GPC3: variants seen among roughly 807,000 people sequenced by gnomAD.
GPC3 encodes the protein glypican-3.
GPC3 carries 3 observed loss-of-function variants against 34.4 expected under a neutral mutation model. The ratio of observed to expected loss-of-function variants is 0.09; its 90% CI spans 0.04 to 0.23. The LOEUF (loss-of-function observed/expected upper bound fraction) is 0.23, where lower values mean the gene tolerates loss of function less well. Among genes scored for constraint, GPC3 ranks in the 10% least tolerant of loss-of-function variants. The pLI, the probability that GPC3 is intolerant of heterozygous loss-of-function variation, is 1.00. For missense variants in GPC3, 351 were observed against 445.6 expected (o/e 0.79, Z 1.91); for synonymous variants, 177 against 174.0 (o/e 1.02, Z -0.13).
intron 3 of GPC3, among the ~76,000 whole-genome samples, chrX:133,714,975 A>T (rs960820455): frequency 1.8e-5 from 2 of 111,818 alleles, no homozygotes; most frequent in Non-Finnish European, 3.8e-5. Flanking sequence ...CTGAATGTCA[A>T]CTTGATTAGA....
chrX:133,747,796 C>T (rs752099861), intron 3 of GPC3, among the ~76,000 whole-genome samples: 13 of 111,748 alleles, frequency 1.2e-4, no homozygotes, highest in Admixed American at 6.7e-4. Context: ...CTTCCTGCAA[C>T]GAATCGTATT....
chrX:133,666,120 C>T (rs1279552483), intron 5 of GPC3, among the ~76,000 whole-genome samples: 3 of 111,844 alleles, frequency 2.7e-5, no homozygotes, highest in African/African-American at 9.7e-5. Flanking sequence ...TCAAATTAAT[C>T]CCACAGCTGA....
chrX:133,985,043 A>T (rs1426112926), intron 1 of GPC3, among the ~76,000 whole-genome samples: 1 of 111,519 alleles, frequency 9.0e-6, no homozygotes, highest in Non-Finnish European at 1.9e-5. Flanking sequence ...CCTCCCGCTC[A>T]CACCTTCCCT....
rs779208145 is a variant in GPC3 at position 133,739,436 on chromosome X, T to G, written c.1032+14046A>C. ...CACGTGGTAGGCATTGTTGCAAAAT[T>G]TTCATAGTAGTTCTGCGAGGTTGGT... is the stretch of plus-strand genomic sequence containing the variant. On this transcript the variant is annotated intron_variant, in intron 3 of 7. Transcript: ENST00000370818. 3.6e-5 allele frequency among the ~76,000 whole-genome samples: 4 copies of G among 112,059 alleles called. No homozygotes were observed. In the South Asian group the frequency reaches 1.5e-3, roughly 42 times the overall value.
At chrX:133,785,212 G>A (rs779167389) in intron 2 of GPC3, among the ~76,000 whole-genome samples, 2 of 111,147 alleles carry the variant, frequency 1.8e-5, no homozygotes, top group Non-Finnish European at 3.8e-5. Flanking sequence ...TGGGGAAGTG[G>A]GGGGTCTTCT....
intron 6 of GPC3, among the ~76,000 whole-genome samples, chrX:133,659,329 C>T (rs1420741735): frequency 8.9e-6 from 1 of 112,147 alleles, no homozygotes; most frequent in Non-Finnish European, 1.9e-5. Flanking sequence ...TTTTTAGTGA[C>T]TGCCTGATCA....
intron 6 of GPC3, among the ~76,000 whole-genome samples, chrX:133,635,682 G>C (rs2070413747): frequency 9.1e-6 from 1 of 110,428 alleles, no homozygotes; most frequent in Non-Finnish European, 1.9e-5. Flanking sequence ...AGAAAACCTG[G>C]ATTCCCATCT....
chrX:133,695,592 T>C (rs376894735), intron 4 of GPC3, among the ~76,000 whole-genome samples: 2 of 111,532 alleles, frequency 1.8e-5, no homozygotes, highest in Non-Finnish European at 3.8e-5. Flanking sequence ...GCAAATAAAA[T>C]AAACACATAG....
intron 2 of GPC3, among the ~76,000 whole-genome samples, chrX:133,771,992 G>A (rs1376620307): frequency 9.0e-6 from 1 of 111,505 alleles, no homozygotes; most frequent in Non-Finnish European, 1.9e-5. Flanking sequence ...TATAGAACAA[G>A]ACACCAGTAT....
chrX:133,536,549 G>A (rs1015422121), intron 7 of GPC3, among the ~76,000 whole-genome samples: 18 of 109,846 alleles, frequency 1.6e-4, no homozygotes, highest in Non-Finnish European at 2.8e-4. Context: ...AGTGGGGAGC[G>A]AACAGGCTGC....
chrX:133,837,723 T>C (rs1323409590), intron 2 of GPC3, among the ~76,000 whole-genome samples: 1 of 111,937 alleles, frequency 8.9e-6, no homozygotes, highest in Non-Finnish European at 1.9e-5. Flanking sequence ...TGATCAGTTC[T>C]GTACCTTGCT....
chrX:133,761,777 C>T (rs2071794064), intron 2 of GPC3, among the ~76,000 whole-genome samples: 1 of 111,817 alleles, frequency 8.9e-6, no homozygotes. Flanking sequence ...CGTTTACCCA[C>T]CATTAGCTTT....
intron 2 of GPC3, among the ~76,000 whole-genome samples, chrX:133,868,119 C>T (rs745313773): frequency 1.3e-4 from 15 of 111,838 alleles, no homozygotes; most frequent in Non-Finnish European, 1.9e-4. Flanking sequence ...TGCAAAAACG[C>T]GGAAGGTCCA....
intron 7 of GPC3, among the ~76,000 whole-genome samples, chrX:133,548,859 C>T (rs771467889): frequency 2.7e-5 from 3 of 111,324 alleles, no homozygotes; most frequent in Non-Finnish European, 5.7e-5. Flanking sequence ...TTTTGCCTGC[C>T]GCCATCCACA....
chrX:133,633,340 A>G (rs1179510053), intron 6 of GPC3, among the ~76,000 whole-genome samples: 1 of 111,949 alleles, frequency 8.9e-6, no homozygotes, highest in Non-Finnish European at 1.9e-5. Context: ...TCCAGATTAC[A>G]ATCAGTTTGC....
chrX:133,544,467 A>G (rs1238504357), intron 7 of GPC3, among the ~76,000 whole-genome samples: 1 of 111,863 alleles, frequency 8.9e-6, no homozygotes, highest in African/African-American at 3.3e-5. Context: ...ACCACCAGCT[A>G]TGCTTCACTA....
chrX:133,795,424 A>G (rs1388245576), intron 2 of GPC3, among the ~76,000 whole-genome samples: 1 of 111,621 alleles, frequency 9.0e-6, no homozygotes, highest in East Asian at 2.8e-4. Context: ...AGGGTCACAC[A>G]TGGTCCCAAT....
intron 4 of GPC3, among the ~76,000 whole-genome samples, chrX:133,698,614 G>A (rs1337531183): frequency 8.9e-6 from 1 of 112,011 alleles, no homozygotes; most frequent in African/African-American, 3.2e-5. Flanking sequence ...GGGTTCCTTT[G>A]CAATTATCAT....
chrX:133,686,768 AACACACACACACAC>A (rs762283767), intron 5 of GPC3, among the ~76,000 whole-genome samples: 1 of 98,023 alleles, frequency 1.0e-5, no homozygotes, highest in East Asian at 3.2e-4. Context: ...ATTTTACCTC[AACACACACACACAC>A]ACACACACAC....
Sources: gnomAD v4.1 joint callset for allele counts (sites outside exome capture counted in the v4.1 genomes callset) on GRCh38, gnomAD v4.1.1 for gene constraint, MANE v1.5 for transcripts, NCBI Gene and HGNC (gene_info 2026-07-23, HGNC 2026-07-21) for gene names.